IER3IP1: variants seen among roughly 807,000 people sequenced by gnomAD.
The protein encoded by IER3IP1 is immediate early response 3 interacting protein 1, also known as immediate early response 3-interacting protein 1.
In IER3IP1, 16 loss-of-function variants were observed where a neutral mutation model predicts 12.2. The observed-to-expected ratio is 1.31, with a 90% CI of 0.89 to 1.99. The LOEUF (loss-of-function observed/expected upper bound fraction) is 1.99. Among genes scored for constraint, IER3IP1 ranks in the 30% most tolerant of loss-of-function variants. The pLI is 0.00. For synonymous variants in IER3IP1, 42 were observed against 40.0 expected (o/e 1.05, Z -0.19); for missense variants, 95 against 95.8 (o/e 0.99, Z 0.03).
Position 47,172,536 on chromosome 18 carries a change from T to C in IER3IP1, c.91+3651A>G, listed in dbSNP as rs1189585939. Among the ~76,000 whole-genome samples the C allele has an allele frequency of 1.3e-5, 2 of 152,128 alleles. No homozygotes were observed. The highest frequency in any genetic ancestry group is 1.9e-4 in the East Asian group (1 of 5,194). On this transcript the variant is annotated intron_variant, in intron 1 of 2. Coordinates refer to ENST00000256433, the MANE Select transcript of IER3IP1 (RefSeq NM_016097.5). The surrounding 1 kb of genome is among the most constrained non-coding windows in gnomAD (Gnocchi z 4.0). ...AAACAGAAGATAGTACCCAACCGTA[T>C]ATGTAGTGTATTTTTTTCAATCTGA...
chr18:47,176,118 G>A (rs1003085842), intron 1 of IER3IP1, 69 bp downstream of exon 1: 6 of 1,275,456 alleles, frequency 4.7e-6, no homozygotes, highest in Admixed American at 2.0e-5. Flanking sequence ...CCCTCACGCG[G>A]CCCCATTAGG....
chr18:47,157,689 ATT>A (rs1224252513), intron 1 of IER3IP1, 152 bp from the exon 2 acceptor site: 1 of 703,624 alleles, frequency 1.4e-6, no homozygotes. Flanking sequence ...TGAGTTAAAT[ATT>A]TGTTTTCTTT....
chr18:47,167,352 C>G (rs1181024635), intron 1 of IER3IP1, among the ~76,000 whole-genome samples: 1 of 152,090 alleles, frequency 6.6e-6, no homozygotes, highest in Non-Finnish European at 1.5e-5. Context: ...CACCCGGCCC[C>G]CTGTACCAGG....
chr18:47,164,217 A>C (rs2063988751), intron 1 of IER3IP1, among the ~76,000 whole-genome samples: 1 of 152,168 alleles, frequency 6.6e-6, no homozygotes, highest in Non-Finnish European at 1.5e-5. Flanking sequence ...CACTGAAGTA[A>C]TTTAAACATA....
chr18:47,158,502 C>T (rs1338909461), intron 1 of IER3IP1, among the ~76,000 whole-genome samples: 17 of 151,846 alleles, frequency 1.1e-4, no homozygotes, highest in Admixed American at 6.6e-4. Flanking sequence ...CCACCACACC[C>T]GGCTAATTTT....
intron 1 of IER3IP1, among the ~76,000 whole-genome samples, chr18:47,171,072 AT>A (rs60947975): frequency 8.7e-5 from 13 of 149,940 alleles, no homozygotes; most frequent in African/African-American, 1.2e-4. Flanking sequence ...TTTGTTGAGT[AT>A]TTTTTTTTTA....
intron 1 of IER3IP1, among the ~76,000 whole-genome samples, chr18:47,173,649 T>G (rs1401469428): frequency 1.3e-5 from 2 of 152,188 alleles, no homozygotes; most frequent in African/African-American, 4.8e-5. Flanking sequence ...ACTTTTAAAA[T>G]ATCTTTTGAT....
intron 1 of IER3IP1, among the ~76,000 whole-genome samples, chr18:47,161,888 GAC>G (rs2063981038): frequency 6.6e-6 from 1 of 151,418 alleles, no homozygotes; most frequent in Admixed American, 6.6e-5. Context: ...GATGATGGGA[GAC>G]AGTGATAGAT....
chr18:47,165,025 C>A (rs1197790793), intron 1 of IER3IP1, among the ~76,000 whole-genome samples: 1 of 152,110 alleles, frequency 6.6e-6, no homozygotes, highest in Non-Finnish European at 1.5e-5. Flanking sequence ...CAAAAACGCT[C>A]GACACACATA....
Position 47,154,484 on chromosome 18 carries a change from T to G in IER3IP1, c.*1693A>C, listed in dbSNP as rs572527492. On this transcript the variant is annotated 3_prime_UTR_variant, in exon 3 of 3. Coordinates refer to ENST00000256433, the MANE Select transcript of IER3IP1 (RefSeq NM_016097.5). ...GATGAAGGTATGCTGTAATGTCTTA[T>G]ATGAAAAATAACATCAGATCAAGGT... 6.6e-6 allele frequency: 1 copy of G among 152,238 alleles called. No individual in the cohort carries two copies. The highest frequency in any genetic ancestry group is 1.9e-4 in the East Asian group (1 of 5,202). 9.4% of individuals were successfully genotyped at this position (152,238 alleles called of 1,614,324 possible).
In IER3IP1 at chr18:47,154,908, G is replaced by A. The variant is rs1222792219; in HGVS notation, c.*1269C>T. 6.6e-6 allele frequency: 1 copy of A among 152,138 alleles called. No homozygotes were observed. The highest frequency in any genetic ancestry group is 1.5e-5 in the Non-Finnish European group (1 of 68,026). The allele number at this position is 152,138 out of a possible 1,614,324, so 9.4% of individuals were successfully genotyped here. Reference sequence around the variant, plus strand: ...ATTCACTGAAGAAAAAAAAATACATGTAAATATTTACTTTCATTAACTCTA... The same window carrying A: ...ATTCACTGAAGAAAAAAAAATACATATAAATATTTACTTTCATTAACTCTA... On this transcript the variant is annotated 3_prime_UTR_variant, in exon 3 of 3. Transcript: ENST00000256433.
intron 1 of IER3IP1, among the ~76,000 whole-genome samples, chr18:47,159,115 A>G (rs1001142915): frequency 1.3e-5 from 2 of 152,248 alleles, no homozygotes; most frequent in African/African-American, 4.8e-5. Flanking sequence ...TCACACAGGT[A>G]TAACAGCCAT....
At chr18:47,174,419 G>A (rs1384485394) in intron 1 of IER3IP1, among the ~76,000 whole-genome samples, 2 of 151,924 alleles carry the variant, frequency 1.3e-5, no homozygotes, top group Non-Finnish European at 2.9e-5. Context: ...ATTTAGAATT[G>A]TTCTTCCTTG....
At chr18:47,173,267 G>T (rs937539339) in intron 1 of IER3IP1, among the ~76,000 whole-genome samples, 2 of 152,156 alleles carry the variant, frequency 1.3e-5, no homozygotes, top group African/African-American at 4.8e-5. Flanking sequence ...TCACTCAGTG[G>T]CTTAACCCAG....
chr18:47,161,132 T>G (rs983283033), intron 1 of IER3IP1, among the ~76,000 whole-genome samples: 6 of 152,178 alleles, frequency 3.9e-5, no homozygotes, highest in African/African-American at 1.2e-4. Flanking sequence ...AAGAGAACAG[T>G]TTTTTTAAAT....
intron 1 of IER3IP1, among the ~76,000 whole-genome samples, chr18:47,158,019 G>A (rs536449350): frequency 6.6e-6 from 1 of 152,146 alleles, no homozygotes; most frequent in Admixed American, 6.5e-5. Flanking sequence ...AAGTAAACCT[G>A]GTAAAGTGGG....
chr18:47,156,206 C>G lies in IER3IP1; in HGVS notation c.220G>C (p.Ala74Pro). 3.8e-6 allele frequency: 6 copies of G among 1,568,620 alleles called. No homozygotes were observed. The highest frequency in any genetic ancestry group is 5.3e-6 in the Non-Finnish European group (6 of 1,140,430). The change falls in exon 3 of 3, where the codon GCA becomes CCA. Residue 74 changes from alanine (A) to proline (P), a missense_variant. By Grantham distance (27) the Ala-to-Pro change is conservative (BLOSUM62 -1). Transcript: ENST00000256433. ...RVPLIIVNSI[A>P]IVLLLLFG ...CCAAATAATAAAAGTAACACAATTG[C>G]AATTGAGTTTACTATTATCAATGGC...
At chr18:47,156,268 G>GA (rs761952961) in intron 2 of IER3IP1, 36 bp from the exon 3 acceptor site, 9 of 1,220,544 alleles carry the variant, frequency 7.4e-6, no homozygotes, top group East Asian at 4.7e-5. Context: ...TTACTATAAA[G>GA]AAAAAACAGA....
rs2064017390 is a variant in IER3IP1 at position 47,172,074 on chromosome 18, G to A, written c.91+4113C>T. ...TGGGATTACAGGCATGAGCCACGGT[G>A]CTGGGCCTTCTGTTTTGGTCTTTCT... On this transcript the variant is annotated intron_variant, in intron 1 of 2. Coordinates refer to ENST00000256433, the MANE Select transcript of IER3IP1 (RefSeq NM_016097.5). The surrounding 1 kb of genome is among the most constrained non-coding windows in gnomAD (Gnocchi z 4.0). Among the ~76,000 whole-genome samples, 1 of 152,148 alleles carries A rather than the reference G, an allele frequency of 6.6e-6. No individual in the cohort carries two copies. Among genetic ancestry groups the A allele is most frequent in the Admixed American group, 6.5e-5 (1 of 15,278 alleles).
Sources: gnomAD v4.1 joint callset for allele counts (sites outside exome capture counted in the v4.1 genomes callset) on GRCh38, gnomAD v4.1.1 for gene constraint, Gnocchi (gnomAD v3.1) non-coding constraint, MANE v1.5 for transcripts, NCBI Gene and HGNC (gene_info 2026-07-23, HGNC 2026-07-21) for gene names.